The following CDH22 variants were observed in gnomAD, a reference collection of about 807,000 sequenced individuals.
The protein encoded by CDH22 is cadherin 22.
In CDH22, 30 loss-of-function variants were observed where a neutral mutation model predicts 58.4. The observed-to-expected ratio is 0.51, with a 90% confidence interval of 0.38 to 0.70. The LOEUF (loss-of-function observed/expected upper bound fraction) is 0.70. CDH22 is among the 30% of genes least tolerant of loss of function. The pLI, the probability that CDH22 is intolerant of heterozygous loss-of-function variation, is 0.00. For missense variants in CDH22, 1,014 were observed against 1,233.9 expected (o/e 0.82, Z 2.67); for synonymous variants, 513 against 558.2 (o/e 0.92, Z 1.14).
chr20:46,302,716 A>C (rs1451498889), intron 1 of CDH22, among the ~76,000 whole-genome samples: 15 of 152,072 alleles, frequency 9.9e-5, no homozygotes, highest in African/African-American at 2.2e-4. Context: ...ATGTTTTTGC[A>C]TGACTATCCA....
In CDH22 at chr20:46,210,517, T is replaced by C. The variant is rs373625060; in HGVS notation, c.1076A>G (p.Glu359Gly). Reference sequence around the variant, plus strand: ...GGGGTCCACGAACTTGTTGAGGGCCTCCAGGATCACGGTGTGCACGGGCTG... The same window carrying C: ...GGGGTCCACGAACTTGTTGAGGGCCCCCAGGATCACGGTGTGCACGGGCTG... ...ESQPVHTVILEALNKFVDPRF... is the reference protein window; with the variant it reads ...ESQPVHTVILGALNKFVDPRF... The change falls in exon 7 of 12, where the codon GAG (glutamate) becomes GGG (glycine). Residue 359 changes from glutamate (E) to glycine (G), a missense_variant. Coordinates refer to ENST00000537909, the MANE Select transcript of CDH22 (RefSeq NM_021248.3). This position sits in a 1 kb window ranked among gnomAD's most constrained non-coding sequence, Gnocchi z 4.5. The C allele has an allele frequency of 7.0e-6, 10 of 1,435,952 alleles. No homozygotes were observed. The highest frequency in any genetic ancestry group is 8.2e-6 in the Non-Finnish European group (9 of 1,092,696). The allele number at this position is 1,435,952 out of a possible 1,614,324, so 89.0% of individuals were successfully genotyped here.
rs537613470 is a variant in CDH22, at chr20:46,225,503, A to G, written c.670+2005T>C. Among the ~76,000 whole-genome samples, 4 of 152,338 alleles carry G rather than the reference A, an allele frequency of 2.6e-5. No individual in the cohort carries two copies. The South Asian group carries it at 6.2e-4, about 24-fold the overall frequency. On this transcript the variant is annotated intron_variant, in intron 4 of 11. Transcript: ENST00000537909. ...CCATTCATGTAAAAAAAATAAATACATGTACCTTATTTTCTTGTACATGTA... is the reference window on the plus strand; with the variant it reads ...CCATTCATGTAAAAAAAATAAATACGTGTACCTTATTTTCTTGTACATGTA...
At chr20:46,277,915 C>T (rs1012720472) in intron 1 of CDH22, among the ~76,000 whole-genome samples, 7 of 151,518 alleles carry the variant, frequency 4.6e-5, no homozygotes, top group African/African-American at 7.3e-5. Context: ...AAGGCAGGGC[C>T]GAGGGAGGGC....
chr20:46,189,818 T>C (rs149897560), intron 8 of CDH22, among the ~76,000 whole-genome samples: 44 of 152,316 alleles, frequency 2.9e-4, no homozygotes, highest in African/African-American at 3.6e-4. Flanking sequence ...CCAGAGCTCA[T>C]TGGCTGGCCC....
chr20:46,188,279 T>C (rs1308480326), intron 8 of CDH22, among the ~76,000 whole-genome samples: 3 of 152,232 alleles, frequency 2.0e-5, no homozygotes. Flanking sequence ...ATAGTGATTA[T>C]GAGCAGTGCT....
intron 2 of CDH22, among the ~76,000 whole-genome samples, chr20:46,250,663 T>C (rs1474025492): frequency 6.6e-6 from 1 of 152,200 alleles, no homozygotes; most frequent in African/African-American, 2.4e-5. Flanking sequence ...AGTCAATGGA[T>C]AGAATCTGGG....
chr20:46,273,142 G>A (rs2086500687), intron 1 of CDH22, among the ~76,000 whole-genome samples: 1 of 152,072 alleles, frequency 6.6e-6, no homozygotes, highest in Non-Finnish European at 1.5e-5. Flanking sequence ...TTTCCACCTT[G>A]TTCAGGCCAT....
chr20:46,265,945 TACACACACAC>T (rs10536307), intron 1 of CDH22, among the ~76,000 whole-genome samples: 1 of 148,052 alleles, frequency 6.8e-6, no homozygotes, highest in Non-Finnish European at 1.5e-5. Flanking sequence ...TTCACACAGA[TACACACACAC>T]ACACACACAC....
chr20:46,214,231 A>G (rs992526355), intron 5 of CDH22, among the ~76,000 whole-genome samples: 8 of 152,138 alleles, frequency 5.3e-5, no homozygotes, highest in Admixed American at 3.3e-4. Context: ...AAGGAATGAG[A>G]TCAGATGGGA....
intron 1 of CDH22, among the ~76,000 whole-genome samples, chr20:46,276,974 C>T (rs1006414300): frequency 4.6e-5 from 7 of 152,186 alleles, no homozygotes; most frequent in Non-Finnish European, 1.0e-4. Flanking sequence ...AGATGGCTGG[C>T]TCAAGGCAGT....
intron 4 of CDH22, among the ~76,000 whole-genome samples, chr20:46,223,657 TTTTCTTTCCTTCTTTCTTTC>T (rs1246987792): frequency 1.4e-5 from 2 of 140,386 alleles, no homozygotes; most frequent in South Asian, 2.4e-4. Context: ...TTCTCTTTCT[TTTTCTTTCCTTCTTTCTTTC>T]TTTCTTTCTT....
rs200666482 is a variant in CDH22, at chr20:46,174,965, G to C, written c.2028C>G (p.Gly676=). Residue 676 remains glycine, a synonymous_variant, in exon 12 of 12, where the codon GGC becomes GGG. Coordinates refer to ENST00000537909, the MANE Select transcript of CDH22 (RefSeq NM_021248.3). This position sits in a 1 kb window ranked among gnomAD's most constrained non-coding sequence, Gnocchi z 4.4. Reference sequence around the variant, plus strand: ...TGTCGTAGGCTTCGGTGTCCTGCTCGCCGCCGCCTTCGTCGTTGTATTTGA... The same window carrying C: ...TGTCGTAGGCTTCGGTGTCCTGCTCCCCGCCGCCTTCGTCGTTGTATTTGA... ...NVIKYNDEGG[G]EQDTEAYDMS... 1 of 1,603,042 alleles carries C rather than the reference G, an allele frequency of 6.2e-7. No homozygotes were observed. Among genetic ancestry groups the C allele is most frequent in the Admixed American group, 1.7e-5 (1 of 59,810 alleles).
At chr20:46,294,915 A>C (rs536684334) in intron 1 of CDH22, among the ~76,000 whole-genome samples, 7 of 152,368 alleles carry the variant, frequency 4.6e-5, no homozygotes, top group Non-Finnish European at 1.0e-4. Flanking sequence ...CCCGGCAGAC[A>C]GTAACAGGGC....
At chr20:46,176,247 C>T (rs2425767) in intron 11 of CDH22, among the ~76,000 whole-genome samples, 112,183 of 152,124 alleles carry the variant, frequency 0.74, 41,940 homozygotes, top group African/African-American at 0.87. Flanking sequence ...AACTGACAAT[C>T]CCCATATCTC....
chr20:46,227,205 G>A (rs1431161838), intron 4 of CDH22, among the ~76,000 whole-genome samples: 1 of 152,172 alleles, frequency 6.6e-6, no homozygotes, highest in Non-Finnish European at 1.5e-5. Context: ...CGCTTAGTTC[G>A]GACCTTTAAG....
chr20:46,223,598 G>A (rs1051545992), intron 4 of CDH22, among the ~76,000 whole-genome samples: 1 of 151,918 alleles, frequency 6.6e-6, no homozygotes, highest in African/African-American at 2.4e-5. Flanking sequence ...AGAAAGGCCT[G>A]TTGTGATTTC....
intron 2 of CDH22, among the ~76,000 whole-genome samples, chr20:46,249,311 C>T (rs1457152405): frequency 6.6e-6 from 1 of 152,198 alleles, no homozygotes; most frequent in African/African-American, 2.4e-5. Flanking sequence ...ATTCTACCAG[C>T]GTCACCATCT....
chr20:46,279,170 G>A (rs144706605), intron 1 of CDH22, among the ~76,000 whole-genome samples: 2 of 152,254 alleles, frequency 1.3e-5, no homozygotes, highest in South Asian at 2.1e-4. Flanking sequence ...GAGACAATGC[G>A]CACACGCTCT....
rs74397867 is a variant in CDH22, at chr20:46,270,061, T to C, written c.-399-18368A>G. 0.011 allele frequency among the ~76,000 whole-genome samples: 1,697 copies of C among 152,098 alleles called. 87 individuals are homozygous for C. In the East Asian group the frequency reaches 0.13, roughly 11 times the overall value. On this transcript the variant is annotated intron_variant, in intron 1 of 11. Transcript: ENST00000537909. ...TTGAAGGATAAGTAGGGGTTCGCCA[T>C]ATAGAGCAAAGGGGAAAGGAATTCC...
Sources: gnomAD v4.1 joint callset for allele counts (sites outside exome capture counted in the v4.1 genomes callset) on GRCh38, gnomAD v4.1.1 for gene constraint, Gnocchi (gnomAD v3.1) non-coding constraint, MANE v1.5 for transcripts, NCBI Gene and HGNC (gene_info 2026-07-23, HGNC 2026-07-21) for gene names.